The following RAB30 variants were observed in gnomAD, a reference collection of about 807,000 sequenced individuals.
The protein encoded by RAB30 is RAB30, member RAS oncogene family, also known as ras-related protein Rab-30.
RAB30 carries 9 observed loss-of-function variants against 25.1 expected under a neutral mutation model. The observed-to-expected ratio is 0.36, with a 90% confidence interval of 0.22 to 0.63. RAB30 has a LOEUF of 0.63. Ranked by LOEUF, RAB30 falls within the 20% of genes least tolerant of loss-of-function variation. The probability of loss-of-function intolerance (pLI) is 0.69; values close to 1 mark genes in which losing one functional copy is unlikely to be tolerated. For synonymous variants in RAB30, 77 were observed against 86.4 expected, an observed-to-expected ratio of 0.89 and a Z score of 0.60; for missense variants, 140 against 243.5, an observed-to-expected ratio of 0.58 and a Z score of 2.83.
chr11:83,044,127 A>G (rs921403056), intron 1 of RAB30, among the ~76,000 whole-genome samples: 2 of 152,182 alleles, frequency 1.3e-5, no homozygotes, highest in Admixed American at 1.3e-4. Flanking sequence ...TCTTTGAATT[A>G]TTTTTTGTTG....
chr11:83,068,585 T>C (rs1189943891), intron 1 of RAB30, among the ~76,000 whole-genome samples: 1 of 152,212 alleles, frequency 6.6e-6, no homozygotes, highest in African/African-American at 2.4e-5. Context: ...CTGCCTACTC[T>C]CTAGCCTCTG....
At chr11:83,016,362 T>A (rs950604456) in intron 1 of RAB30, among the ~76,000 whole-genome samples, 1 of 152,180 alleles carries the variant, frequency 6.6e-6, no homozygotes, top group Non-Finnish European at 1.5e-5. Flanking sequence ...GGGGATATAA[T>A]GTCAACAGAT....
intron 1 of RAB30, among the ~76,000 whole-genome samples, chr11:83,033,022 A>C (rs1289633305): frequency 2.1e-5 from 3 of 145,600 alleles, no homozygotes; most frequent in Non-Finnish European, 4.5e-5. Context: ...GAGGAGTTTC[A>C]GCTTGCCCTA....
chr11:83,010,609 C>T (rs1857282486), intron 1 of RAB30, among the ~76,000 whole-genome samples: 1 of 151,984 alleles, frequency 6.6e-6, no homozygotes, highest in Non-Finnish European at 1.5e-5. Context: ...GGGAGGGAAA[C>T]ATGGGACAGG....
intron 1 of RAB30, among the ~76,000 whole-genome samples, chr11:83,036,400 T>C (rs573009995): frequency 6.6e-5 from 10 of 152,314 alleles, no homozygotes; most frequent in African/African-American, 2.2e-4. Flanking sequence ...ACTCCTGACC[T>C]CAAGTGATCT....
chr11:83,033,052 ATTC>A (rs1857908226), intron 1 of RAB30, among the ~76,000 whole-genome samples: 1 of 133,764 alleles, frequency 7.5e-6, no homozygotes, highest in African/African-American at 2.7e-5. Context: ...TTTGCCTCAA[ATTC>A]TTTTTTTTTT....
chr11:82,995,508 T>C (rs1856939483), intron 2 of RAB30, among the ~76,000 whole-genome samples: 1 of 152,220 alleles, frequency 6.6e-6, no homozygotes, highest in African/African-American at 2.4e-5. Flanking sequence ...AACAGCTAGA[T>C]CCAGTTCATT....
chr11:83,002,364 C>CA (rs1252543497), intron 1 of RAB30, among the ~76,000 whole-genome samples: 1 of 152,188 alleles, frequency 6.6e-6, no homozygotes, highest in African/African-American at 2.4e-5. Context: ...ATCACTCTCA[C>CA]AATTCAGTCA....
At chr11:83,014,692 A>AAGAAAGAAAGAAAGAG (rs1565277255) in intron 1 of RAB30, among the ~76,000 whole-genome samples, 6 of 138,548 alleles carry the variant, frequency 4.3e-5, no homozygotes, top group Non-Finnish European at 7.8e-5. Flanking sequence ...GAAAGAAAGA[A>AAGAAAGAAAGAAAGAG]AGAGAAAGGA....
chr11:82,982,249 C>T lies in RAB30; in HGVS notation c.528G>A (p.Gln176=). Residue 176 remains glutamine (Q), a synonymous_variant, in exon 5 of 5, where the codon CAG becomes CAA. Transcript: ENST00000527633. ...AGGATACATTGTTCACAAGTGTGTT[C>T]TGTCTGGCTTCACTGATGAGTCGGC... ...LACRLISEAR[Q]NTLVNNVSSP... 1 of 1,614,200 alleles carries T rather than the reference C, an allele frequency of 6.2e-7. No homozygotes were observed. The highest frequency in any genetic ancestry group is 1.3e-5 in the African/African-American group (1 of 75,062).
chr11:82,981,986 A>G lies in RAB30; in HGVS notation c.*179T>C, dbSNP rs1246218108. On this transcript the variant is annotated 3_prime_UTR_variant, in exon 5 of 5. Transcript: ENST00000527633. ...GACTGGAAAAGGGTGAAACCATTAT[A>G]TGTTCTGCTAATGCTGGCCTGTGGT... The G allele has an allele frequency of 2.6e-6, 2 of 756,856 alleles. No individual in the cohort carries two copies. Among genetic ancestry groups the G allele is most frequent in the Non-Finnish European group, 2.1e-6 (1 of 473,396 alleles). 46.9% of individuals were successfully genotyped at this position (756,856 alleles called of 1,614,324 possible). A position where few individuals can be genotyped will look rare whatever the true frequency, so the allele number is the denominator to read the frequency against.
chr11:83,035,291 GC>G (rs1857963590), intron 1 of RAB30: 1 of 152,056 alleles, frequency 6.6e-6, no homozygotes. Context: ...CAAGATTTCT[GC>G]TCCCCTCCCC....
intron 1 of RAB30, among the ~76,000 whole-genome samples, chr11:83,056,445 G>C (rs921055861): frequency 1.3e-5 from 2 of 152,144 alleles, no homozygotes; most frequent in Non-Finnish European, 2.9e-5. Flanking sequence ...CACTTGGGTT[G>C]CTTCCATCTT....
intron 4 of RAB30, among the ~76,000 whole-genome samples, chr11:82,985,211 C>T (rs1342901496): frequency 6.6e-6 from 1 of 152,100 alleles, no homozygotes; most frequent in Non-Finnish European, 1.5e-5. Flanking sequence ...GTGATCCACC[C>T]GCCTCAGCCT....
At chr11:83,021,854 A>T (rs2127364) in intron 1 of RAB30, among the ~76,000 whole-genome samples, 113,339 of 152,238 alleles carry the variant, frequency 0.74, 42,481 homozygotes, top group African/African-American at 0.83. Flanking sequence ...CCTGGCCTAT[A>T]GGAAGTGCTC....
intron 1 of RAB30, among the ~76,000 whole-genome samples, chr11:83,016,849 C>T (rs10898071): frequency 0.58 from 87,469 of 152,020 alleles, 25,792 homozygotes; most frequent in African/African-American, 0.73. Context: ...CTGTTCCTCA[C>T]ACAGACTTCT....
chr11:83,018,230 C>T (rs886632964), intron 1 of RAB30, among the ~76,000 whole-genome samples: 1 of 137,636 alleles, frequency 7.3e-6, no homozygotes, highest in East Asian at 2.3e-4. Flanking sequence ...ACCTGGGAGG[C>T]GGAGGTTGTA....
At chr11:83,054,094 T>C (rs1171449685) in intron 1 of RAB30, among the ~76,000 whole-genome samples, 1 of 151,864 alleles carries the variant, frequency 6.6e-6, no homozygotes, top group African/African-American at 2.4e-5. Context: ...ACTCTGTAAA[T>C]AAATAAATAA....
At chr11:83,011,028 T>C (rs1857290902) in intron 1 of RAB30, among the ~76,000 whole-genome samples, 2 of 152,214 alleles carry the variant, frequency 1.3e-5, no homozygotes, top group African/African-American at 2.4e-5. Context: ...CACATGTATA[T>C]CAACAAGGGC....
Sources: allele counts gnomAD v4.1 joint callset (sites outside exome capture counted in the v4.1 genomes callset), GRCh38; gene constraint gnomAD v4.1.1; transcripts MANE v1.5; gene names NCBI Gene and HGNC (gene_info 2026-07-23, HGNC 2026-07-21).